Variants in GSE1 observed in about 807,000 individuals in gnomAD.
The protein encoded by GSE1 is genetic suppressor element 1.
In GSE1, 32 loss-of-function variants were observed where a neutral mutation model predicts 112.6. That is an observed-to-expected ratio of 0.28 (90% confidence interval 0.21 to 0.38). The LOEUF is 0.38. Among genes scored for constraint, GSE1 ranks in the 10% least tolerant of loss-of-function variants. The pLI, the probability that GSE1 is intolerant of heterozygous loss-of-function variation, is 1.00. For synonymous variants in GSE1, 1,115 were observed against 735.6 expected (o/e 1.52, Z -8.35); for missense variants, 2,348 against 1,699.2 (o/e 1.38, Z -6.71).
At position 85,238,846 on chromosome 16, in the gene GSE1, T is replaced by G. The variant is rs1904938462; in HGVS notation, c.2283+67039T>G. Among the ~76,000 whole-genome samples the G allele has an allele frequency of 2.6e-5, 4 of 152,222 alleles. No individual in the cohort carries two copies. In the South Asian group the frequency reaches 8.3e-4, roughly 32 times the overall value. ...AGGGCTCCTTCCTTCCAGTCCTTCC[T>G]CCAACAGATACTTAATGAGCATCTA... is the stretch of plus-strand genomic sequence containing the variant. On this transcript the variant is annotated intron_variant, in intron 1 of 2. Transcript: ENST00000637419.
intron 1 of GSE1, among the ~76,000 whole-genome samples, chr16:85,589,707 G>C (rs1382250715): frequency 6.6e-6 from 1 of 152,216 alleles, no homozygotes; most frequent in African/African-American, 2.4e-5. Flanking sequence ...TATTGTGTGT[G>C]TGTGAACGTG....
chr16:85,261,638 G>A (rs988337002), intron 1 of GSE1, among the ~76,000 whole-genome samples: 3 of 152,194 alleles, frequency 2.0e-5, no homozygotes, highest in African/African-American at 7.2e-5. Flanking sequence ...GCTGGGCATT[G>A]ATGGGTTCCC....
chr16:85,272,595 C>T (rs987306212), intron 1 of GSE1, among the ~76,000 whole-genome samples: 10 of 152,034 alleles, frequency 6.6e-5, no homozygotes, highest in Non-Finnish European at 1.3e-4. Context: ...TCAGAGCTGG[C>T]CCTTTCTGGA....
At chr16:85,430,375 G>T (rs374825061) in intron 2 of GSE1, among the ~76,000 whole-genome samples, 2 of 152,240 alleles carry the variant, frequency 1.3e-5, no homozygotes, top group Non-Finnish European at 2.9e-5. Flanking sequence ...CCCAGTCACA[G>T]ATGGGGGAAG....
chr16:85,648,795 A>C, intron 3 of GSE1, 44 bp downstream of exon 3: 1 of 1,220,386 alleles, frequency 8.2e-7, no homozygotes, highest in Non-Finnish European at 1.1e-6. Flanking sequence ...CTAAGTGGGG[A>C]GGCTGGATTC....
intron 1 of GSE1, among the ~76,000 whole-genome samples, chr16:85,601,535 C>G (rs1487900091): frequency 1.3e-5 from 2 of 152,092 alleles, no homozygotes; most frequent in Non-Finnish European, 2.9e-5. Context: ...GGGGGGTGAC[C>G]TGGGGACCCA....
chr16:85,359,155 C>G (rs1365359396), intron 2 of GSE1, among the ~76,000 whole-genome samples: 1 of 152,240 alleles, frequency 6.6e-6, no homozygotes, highest in Non-Finnish European at 1.5e-5. Flanking sequence ...GGTCCACACC[C>G]ACCTGTCACT....
intron 1 of GSE1, among the ~76,000 whole-genome samples, chr16:85,307,936 G>A (rs1030440793): frequency 2.6e-4 from 39 of 152,292 alleles, no homozygotes; most frequent in African/African-American, 9.1e-4. Context: ...ACCAGTACTT[G>A]GGAGTTTGGG....
At chr16:85,275,139 C>T (rs936641104) in intron 1 of GSE1, among the ~76,000 whole-genome samples, 37 of 152,166 alleles carry the variant, frequency 2.4e-4, no homozygotes, top group Non-Finnish European at 2.9e-5. Context: ...TGGGCCTGTG[C>T]GGGCCCCACC....
Position 85,616,141 on chromosome 16 carries a change from G to T in GSE1, c.7+2743G>T, listed in dbSNP as rs181727729. Among the ~76,000 whole-genome samples the T allele has an allele frequency of 1.1e-4, 16 of 152,346 alleles. No individual in the cohort carries two copies. In the East Asian group the frequency reaches 2.9e-3, roughly 28 times the overall value. ...GCACAGCGCCACTCTGTGGCAGACC[G>T]GGGTCCTGCACCTCTGAGCTAGAGA... On this transcript the variant is annotated intron_variant, in intron 1 of 15. Transcript: ENST00000253458.
intron 1 of GSE1, among the ~76,000 whole-genome samples, chr16:85,342,949 C>G (rs1192423652): frequency 1.3e-5 from 2 of 151,800 alleles, no homozygotes; most frequent in African/African-American, 4.8e-5. Context: ...GCAGAGAAAG[C>G]CGGGCACAGG....
chr16:85,472,820 C>G (rs1049442413), intron 2 of GSE1, among the ~76,000 whole-genome samples: 3 of 152,270 alleles, frequency 2.0e-5, no homozygotes, highest in African/African-American at 7.2e-5. Context: ...TTTGGCACCT[C>G]TGGTAGGGAG....
chr16:85,453,923 C>A (rs891449469), intron 2 of GSE1, among the ~76,000 whole-genome samples: 2 of 152,112 alleles, frequency 1.3e-5, no homozygotes, highest in African/African-American at 4.8e-5. Context: ...CCCCAGGCCA[C>A]CTGCACACAG....
At chr16:85,265,714 T>C (rs754806596) in intron 1 of GSE1, among the ~76,000 whole-genome samples, 1 of 152,048 alleles carries the variant, frequency 6.6e-6, no homozygotes, top group Non-Finnish European at 1.5e-5. Flanking sequence ...GAGGGAGGAA[T>C]GTTTTGATCA....
At chr16:85,332,529 T>C (rs1308870866) in intron 1 of GSE1, among the ~76,000 whole-genome samples, 1 of 152,122 alleles carries the variant, frequency 6.6e-6, no homozygotes, top group East Asian at 1.9e-4. Context: ...TTGGTTAATA[T>C]GACTTACGGT....
At chr16:85,478,847 CTTTCTTTCTTTCTTTCTTTCTT>C (rs2050549921) in intron 2 of GSE1, among the ~76,000 whole-genome samples, 1 of 5,876 alleles carries the variant, frequency 1.7e-4, no homozygotes. Flanking sequence ...TATTTTCTTT[CTTTCTTTCTTTCTTTCTTTCTT>C]TCTTTCTTTC....
chr16:85,478,880 T>C (rs2050557978), intron 2 of GSE1, among the ~76,000 whole-genome samples: 1 of 60,536 alleles, frequency 1.7e-5, no homozygotes. Flanking sequence ...TCTTTCTTTC[T>C]TTCTTTCTTT....
chr16:85,244,680 A>G lies in GSE1; in HGVS notation c.2283+72873A>G, dbSNP rs529523068. ...GCCTGGGCAACATAGTGAGACCCCA[A>G]TCTCTACCAAAAATACAAAATTATC... is the stretch of plus-strand genomic sequence containing the variant. On this transcript the variant is annotated intron_variant, in intron 1 of 2. Coordinates refer to the GSE1 transcript ENST00000637419. Among the ~76,000 whole-genome samples, 184 of 151,010 alleles carry G rather than the reference A, an allele frequency of 1.2e-3. 1 individual carries two copies. The highest frequency in any genetic ancestry group is 4.1e-3 in the African/African-American group (168 of 41,040).
At chr16:85,361,867 G>A (rs74712184) in intron 2 of GSE1, among the ~76,000 whole-genome samples, 12,453 of 152,286 alleles carry the variant, frequency 0.082, 646 homozygotes, top group South Asian at 0.12. Context: ...CCAGACTCCC[G>A]GGGCAGCCCA....
Sources: allele counts gnomAD v4.1 joint callset (sites outside exome capture counted in the v4.1 genomes callset), GRCh38; gene constraint gnomAD v4.1.1; transcripts MANE v1.5; gene names NCBI Gene and HGNC (gene_info 2026-07-23, HGNC 2026-07-21).